Variants in KLRK1 observed in about 807,000 individuals in gnomAD.
KLRK1 encodes killer cell lectin like receptor K1.
KLRK1 carries 40 observed loss-of-function variants against 31.3 expected under a neutral mutation model. The ratio of observed to expected loss-of-function variants is 1.28; its 90% CI spans 0.99 to 1.67. The LOEUF is 1.67. Among genes scored for constraint, KLRK1 ranks in the 40% most tolerant of loss-of-function variants. The probability of loss-of-function intolerance (pLI) is 0.00; values close to 1 mark genes in which losing one functional copy is unlikely to be tolerated. For synonymous variants in KLRK1, 77 were observed against 77.3 expected (o/e 1.00, Z 0.02); for missense variants, 251 against 260.0 (o/e 0.97, Z 0.24).
At chr12:10,378,763 G>A in intron 5 of KLRK1, 58 bp from the exon 6 acceptor site, 1 of 1,514,722 alleles carries the variant, frequency 6.6e-7, no homozygotes, top group Non-Finnish European at 8.8e-7. Context: ...AGCAGATTTT[G>A]TCTAGACAAA....
At chr12:10,376,518 G>A (rs956660419) in intron 7 of KLRK1, among the ~76,000 whole-genome samples, 2 of 151,838 alleles carry the variant, frequency 1.3e-5, no homozygotes, top group African/African-American at 4.8e-5. Flanking sequence ...AAAATATGAC[G>A]GGATGTTGCC....
At chr12:10,382,478 G>C (rs1863093804) in intron 3 of KLRK1, among the ~76,000 whole-genome samples, 1 of 152,130 alleles carries the variant, frequency 6.6e-6, no homozygotes, top group African/African-American at 2.4e-5. Flanking sequence ...TGCCAACTGA[G>C]ATACCGTACC....
In KLRK1 at chr12:10,373,087, G is replaced by A; in HGVS notation, c.*27C>T. On this transcript the variant is annotated 3_prime_UTR_variant, in exon 8 of 8. Coordinates refer to ENST00000240618, the MANE Select transcript of KLRK1 (RefSeq NM_007360.4). ...CTGGTGTAATCTCTTCTCTGTTCCT[G>A]GCTTTTATTGAGATGGTTGATCATC... is the stretch of plus-strand genomic sequence containing the variant. The A allele has an allele frequency of 6.3e-7, 1 of 1,596,122 alleles. No individual in the cohort carries two copies. Among genetic ancestry groups the A allele is most frequent in the Non-Finnish European group, 8.6e-7 (1 of 1,166,226 alleles).
intron 3 of KLRK1, among the ~76,000 whole-genome samples, chr12:10,381,561 G>A (rs955685404): frequency 6.6e-6 from 1 of 152,020 alleles, no homozygotes; most frequent in African/African-American, 2.4e-5. Context: ...TAATGATAGA[G>A]GAGAAAAAAA....
chr12:10,378,325 C>T, intron 6 of KLRK1, 90 bp from the exon 7 acceptor site: 4 of 1,431,342 alleles, frequency 2.8e-6, no homozygotes, highest in Non-Finnish European at 3.8e-6. Flanking sequence ...TGTTCTCACA[C>T]TTGTAAAAAA....
chr12:10,388,785 GACC>G lies in KLRK1; in HGVS notation c.23_25del (p.Arg8_Ser9delinsThr). Reference sequence around the variant, plus strand: ...TAAAAACATACCCCAGCTGTGTCGAGACCTCCGACCACGAATCCACCCCATCAA... The same window carrying G: ...TAAAAACATACCCCAGCTGTGTCGAGTCCGACCACGAATCCACCCCATCAA... On this transcript the variant is annotated inframe_deletion, in exon 2 of 8. Transcript: ENST00000240618. The G allele has an allele frequency of 6.2e-7, 1 of 1,613,894 alleles. No homozygotes were observed. The highest frequency in any genetic ancestry group is 8.5e-7 in the Non-Finnish European group (1 of 1,179,944).
intron 1 of KLRK1, 107 bp from the exon 2 acceptor site, chr12:10,388,982 CT>C: frequency 3.2e-6 from 2 of 622,582 alleles, no homozygotes; most frequent in Non-Finnish European, 5.3e-6. Context: ...CTGTGCATGC[CT>C]TTAAGAAAAG....
At chr12:10,381,893 A>T (rs1473520952) in intron 3 of KLRK1, 1 of 152,240 alleles carries the variant, frequency 6.6e-6, no homozygotes, top group Non-Finnish European at 1.5e-5. Context: ...TGGAAATAAG[A>T]GTGTGGGACT....
intron 3 of KLRK1, among the ~76,000 whole-genome samples, chr12:10,380,475 A>G (rs1863054775): frequency 6.6e-6 from 1 of 152,198 alleles, no homozygotes; most frequent in East Asian, 1.9e-4. Flanking sequence ...GGACCAAAAC[A>G]ACAAGTAGAT....
chr12:10,378,107 G>A (rs771294924), intron 7 of KLRK1, 25 bp downstream of exon 7: 10 of 1,591,986 alleles, frequency 6.3e-6, no homozygotes, highest in Non-Finnish European at 7.7e-6. Flanking sequence ...TTAAAAAGAA[G>A]AGACTCATTG....
intron 6 of KLRK1, 101 bp downstream of exon 6, chr12:10,378,453 C>G (rs746379801): frequency 1.3e-6 from 2 of 1,542,762 alleles, no homozygotes; most frequent in Admixed American, 2.2e-5. Flanking sequence ...TTAGAATAAC[C>G]AAGTCACAGT....
chr12:10,380,287 G>T (rs535507945), intron 3 of KLRK1, among the ~76,000 whole-genome samples: 15 of 151,980 alleles, frequency 9.9e-5, no homozygotes, highest in Non-Finnish European at 1.9e-4. Context: ...GGACGGTCTC[G>T]ATCTCCTGAC....
chr12:10,377,522 T>C (rs189197311), intron 7 of KLRK1, among the ~76,000 whole-genome samples: 1 of 152,288 alleles, frequency 6.6e-6, no homozygotes, highest in Admixed American at 6.5e-5. Context: ...AAATAAGACA[T>C]TGCAAATGAT....
At chr12:10,388,972 C>A in intron 1 of KLRK1, 97 bp from the exon 2 acceptor site, 1 of 676,216 alleles carries the variant, frequency 1.5e-6, no homozygotes, top group South Asian at 2.7e-5. Flanking sequence ...AACTTTTCCC[C>A]TGTGCATGCC....
chr12:10,384,013 C>T (rs1029805035), intron 3 of KLRK1, among the ~76,000 whole-genome samples: 6 of 151,794 alleles, frequency 4.0e-5, no homozygotes, highest in African/African-American at 1.2e-4. Flanking sequence ...ATTTGTAATA[C>T]CTACAAATAA....
At chr12:10,379,418 G>GTATTATATTATTTAAA (rs1339135902) in intron 5 of KLRK1, 29 bp downstream of exon 5, 2 of 1,334,232 alleles carry the variant, frequency 1.5e-6, no homozygotes, top group East Asian at 4.9e-5. Flanking sequence ...TATAATATAT[G>GTATTATATTATTTAAA]ATCTAAAATA....
At chr12:10,380,054 T>G (rs1455031003) in intron 3 of KLRK1, among the ~76,000 whole-genome samples, 4 of 142,482 alleles carry the variant, frequency 2.8e-5, no homozygotes, top group Non-Finnish European at 6.0e-5. Flanking sequence ...TTTTTTGTTG[T>G]TATTGTTTTT....
chr12:10,379,867 TTA>T, intron 3 of KLRK1, 75 bp from the exon 4 acceptor site: 1 of 1,323,224 alleles, frequency 7.6e-7, no homozygotes, highest in Middle Eastern at 2.5e-4. Flanking sequence ...AATATAAATA[TTA>T]GAGTTTTTTA....
intron 3 of KLRK1, among the ~76,000 whole-genome samples, chr12:10,380,987 C>A (rs1446093125): frequency 6.6e-6 from 1 of 152,120 alleles, no homozygotes; most frequent in Admixed American, 6.5e-5. Flanking sequence ...TCCACCAAAT[C>A]CACCTAGAGG....
Sources: gnomAD v4.1 joint callset for allele counts (sites outside exome capture counted in the v4.1 genomes callset) on GRCh38, gnomAD v4.1.1 for gene constraint, MANE v1.5 for transcripts, NCBI Gene and HGNC (gene_info 2026-07-23, HGNC 2026-07-21) for gene names.